OPCML: variants seen among roughly 807,000 people sequenced by gnomAD.
OPCML encodes opioid binding protein/cell adhesion molecule like, also known as opioid-binding protein/cell adhesion molecule.
In OPCML, 13 loss-of-function variants were observed where a neutral mutation model predicts 37.8. The observed-to-expected ratio is 0.34, with a 90% CI of 0.22 to 0.55. The LOEUF is 0.55. Ranked by LOEUF, OPCML falls within the 20% of genes least tolerant of loss-of-function variation. OPCML has a pLI of 0.91. For missense variants in OPCML, 341 were observed against 435.6 expected, an observed-to-expected ratio of 0.78 and a Z score of 1.93; for synonymous variants, 176 against 168.8, an observed-to-expected ratio of 1.04 and a Z score of -0.33.
chr11:132,765,610 T>C lies in OPCML; in HGVS notation c.147-108291A>G, dbSNP rs373913489. 1.1e-4 allele frequency among the ~76,000 whole-genome samples: 16 copies of C among 152,348 alleles called. No homozygotes were observed. The East Asian group carries it at 1.7e-3, about 17-fold the overall frequency. On this transcript the variant is annotated intron_variant, in intron 2 of 7. Transcript: ENST00000524381. Reference sequence around the variant, plus strand: ...AACAAGAACACTGGAGTTGATTATCTTTCTAAGCTCAGATAGAAGCAGAGT... The same window carrying C: ...AACAAGAACACTGGAGTTGATTATCCTTCTAAGCTCAGATAGAAGCAGAGT...
chr11:132,555,334 GTGAGAGAGAATGAGAACATGGAAGCAGA>G lies in OPCML; in HGVS notation c.380-26176_380-26149del, dbSNP rs1365552996. ...AAAGGCACATCTTACACGGCAGCAGGTGAGAGAGAATGAGAACATGGAAGCAGATGAGAGAGAATGAGAACCAAGTGAA... is the reference window on the plus strand; with the variant it reads ...AAAGGCACATCTTACACGGCAGCAGGTGAGAGAGAATGAGAACCAAGTGAA... On this transcript the variant is annotated intron_variant, in intron 3 of 7. Transcript: ENST00000524381. Among the ~76,000 whole-genome samples the G allele has an allele frequency of 2.6e-5, 4 of 152,236 alleles. No individual in the cohort carries two copies. The East Asian group carries it at 5.8e-4, about 22-fold the overall frequency.
In OPCML at chr11:133,173,512, C is replaced by A. The variant is rs1950316363; in HGVS notation, c.62-230502G>T. Among the ~76,000 whole-genome samples the A allele has an allele frequency of 2.0e-5, 3 of 152,288 alleles. No homozygotes were observed. Among genetic ancestry groups the A allele is most frequent in the Admixed American group, 6.5e-5 (1 of 15,302 alleles). On this transcript the variant is annotated intron_variant, in intron 1 of 7. Transcript: ENST00000524381. The surrounding 1 kb of genome is among the most constrained non-coding windows in gnomAD (Gnocchi z 7.8). ...TCTACAGCAGAGTGTCCCCAACAAT[C>A]TTTTCTCTATAAGGAATTGTTGCAG...
intron 3 of OPCML, among the ~76,000 whole-genome samples, chr11:132,603,049 G>A (rs534296916): frequency 6.6e-5 from 10 of 152,260 alleles, no homozygotes; most frequent in African/African-American, 2.2e-4. Flanking sequence ...TACAAAACTT[G>A]TACAAATTTA....
At chr11:133,183,052 T>G (rs965106721) in intron 1 of OPCML, among the ~76,000 whole-genome samples, 1 of 152,122 alleles carries the variant, frequency 6.6e-6, no homozygotes, top group African/African-American at 2.4e-5. Flanking sequence ...TATGGTGCTG[T>G]TTTTACTTTA....
intron 3 of OPCML, among the ~76,000 whole-genome samples, chr11:132,628,499 G>A (rs770876426): frequency 1.3e-5 from 2 of 152,082 alleles, no homozygotes; most frequent in Non-Finnish European, 2.9e-5. Flanking sequence ...TCAATTTTCA[G>A]AAATAGGAAA....
chr11:133,396,651 G>A (rs1438477874), intron 1 of OPCML, among the ~76,000 whole-genome samples: 2 of 152,170 alleles, frequency 1.3e-5, no homozygotes, highest in African/African-American at 2.4e-5. Flanking sequence ...AAGGGATGCG[G>A]TGATAATACT....
At chr11:132,476,527 C>A (rs1409936178) in intron 4 of OPCML, among the ~76,000 whole-genome samples, 1 of 152,122 alleles carries the variant, frequency 6.6e-6, no homozygotes, top group Non-Finnish European at 1.5e-5. Context: ...AGGATGAGTT[C>A]ATGTCCTTTG....
At chr11:133,093,423 G>A (rs1948945433) in intron 1 of OPCML, among the ~76,000 whole-genome samples, 1 of 151,912 alleles carries the variant, frequency 6.6e-6, no homozygotes, top group South Asian at 2.1e-4. Flanking sequence ...TAAGCCCCGC[G>A]TACATTAGGT....
chr11:133,209,019 A>G (rs1373699389), intron 1 of OPCML, among the ~76,000 whole-genome samples: 1 of 152,226 alleles, frequency 6.6e-6, no homozygotes, highest in Non-Finnish European at 1.5e-5. Flanking sequence ...TTCCTATTGT[A>G]AATTTCACTC....
intron 4 of OPCML, among the ~76,000 whole-genome samples, chr11:132,452,247 A>C (rs1022145679): frequency 6.6e-6 from 1 of 152,166 alleles, no homozygotes; most frequent in Admixed American, 6.5e-5. Flanking sequence ...TTACTATTCA[A>C]GCTTTTGTTT....
At chr11:132,803,350 T>C (rs1938796378) in intron 2 of OPCML, among the ~76,000 whole-genome samples, 1 of 152,222 alleles carries the variant, frequency 6.6e-6, no homozygotes, top group South Asian at 2.1e-4. Context: ...AAGCTTTCAA[T>C]TTTAAACGAG....
rs375941269 is a variant in OPCML, at chr11:132,968,753, G to T, written c.62-25743C>A. 2.1e-3 allele frequency among the ~76,000 whole-genome samples: 320 copies of T among 152,184 alleles called. 1 individual carries two copies. The highest frequency in any genetic ancestry group is 7.2e-3 in the African/African-American group (298 of 41,550). On this transcript the variant is annotated intron_variant, in intron 1 of 7. Coordinates refer to ENST00000524381, the MANE Select transcript of OPCML (RefSeq NM_001012393.5). ...GCTTATTAGTTCCAGGAATTTTTTT[G>T]TTGTTGTTGATTCTTTCAGATTTTG...
intron 1 of OPCML, among the ~76,000 whole-genome samples, chr11:132,986,282 A>AT (rs530646910): frequency 1.4e-4 from 21 of 151,830 alleles, no homozygotes; most frequent in South Asian, 1.3e-3. Flanking sequence ...AAATATCTCA[A>AT]TTTTTTTTTA....
intron 4 of OPCML, among the ~76,000 whole-genome samples, chr11:132,453,518 C>T (rs906972300): frequency 9.2e-5 from 14 of 152,146 alleles, no homozygotes; most frequent in African/African-American, 2.4e-4. Context: ...ATACAAAGAA[C>T]GAGTGAGTCC....
chr11:132,635,973 CG>C (rs978315343), intron 3 of OPCML, among the ~76,000 whole-genome samples: 23 of 152,042 alleles, frequency 1.5e-4, no homozygotes, highest in African/African-American at 5.3e-4. Context: ...TACTCCCCCC[CG>C]GATACAAGAT....
chr11:133,492,532 A>C (rs193294408), intron 1 of OPCML, among the ~76,000 whole-genome samples: 1 of 152,070 alleles, frequency 6.6e-6, no homozygotes, highest in Non-Finnish European at 1.5e-5. Context: ...TTTTTTTAAT[A>C]ACAAAGTAAG....
intron 1 of OPCML, among the ~76,000 whole-genome samples, chr11:133,363,348 C>G (rs1053921859): frequency 2.6e-5 from 4 of 152,154 alleles, no homozygotes. Flanking sequence ...GGGTGGGGCG[C>G]ACTAGATGGC....
rs2136328723 is a variant in OPCML at position 133,205,565 on chromosome 11, GAC to G, written c.62-262557_62-262556del. On this transcript the variant is annotated intron_variant, in intron 1 of 7. Coordinates refer to ENST00000524381, the MANE Select transcript of OPCML (RefSeq NM_001012393.5). The surrounding 1 kb of genome is among the most constrained non-coding windows in gnomAD (Gnocchi z 4.8). ...TGGGGACTGACGCCGTCTCCAGGTA[GAC>G]AGTGTCAGAATTGAATTGAATTGGA... Among the ~76,000 whole-genome samples, 1 of 152,340 alleles carries G rather than the reference GAC, an allele frequency of 6.6e-6. No individual in the cohort carries two copies. Among genetic ancestry groups the G allele is most frequent in the East Asian group, 1.9e-4 (1 of 5,184 alleles).
intron 1 of OPCML, among the ~76,000 whole-genome samples, chr11:133,355,488 T>A (rs1944263502): frequency 6.6e-6 from 1 of 152,140 alleles, no homozygotes. Context: ...AAAAGAGATT[T>A]GGAAAAAAAC....
Sources: allele counts gnomAD v4.1 joint callset (sites outside exome capture counted in the v4.1 genomes callset), GRCh38; gene constraint gnomAD v4.1.1; non-coding constraint Gnocchi (gnomAD v3.1); transcripts MANE v1.5; gene names NCBI Gene and HGNC (gene_info 2026-07-23, HGNC 2026-07-21).